RAB27B: variants seen among roughly 807,000 people sequenced by gnomAD.
RAB27B encodes the protein RAB27B, member RAS oncogene family.
A neutral mutation model predicts 24.6 loss-of-function variants in RAB27B; 15 were observed. The observed-to-expected ratio is 0.61, with a 90% confidence interval of 0.41 to 0.94. The LOEUF (loss-of-function observed/expected upper bound fraction) is 0.94, where lower values mean the gene tolerates loss of function less well. Among genes scored for constraint, RAB27B ranks in the 40% least tolerant of loss-of-function variants. The pLI is 0.00. For synonymous variants in RAB27B, 105 were observed against 92.5 expected (o/e 1.14, Z -0.78); for missense variants, 261 against 266.8 (o/e 0.98, Z 0.15).
chr18:54,843,876 CAACGGT>C (rs1911215181), intron 1 of RAB27B, among the ~76,000 whole-genome samples: 1 of 152,098 alleles, frequency 6.6e-6, no homozygotes, highest in African/African-American at 2.4e-5. Flanking sequence ...AATATTTGGG[CAACGGT>C]CCCTCCTACA....
chr18:54,887,027 C>CTCCCTCCCTCCCTCCCTTCCTTCCT (rs1407981128), intron 4 of RAB27B, among the ~76,000 whole-genome samples: 2 of 125,410 alleles, frequency 1.6e-5, no homozygotes, highest in East Asian at 2.4e-4. Context: ...CCCTTCCTCC[C>CTCCCTCCCTCCCTCCCTTCCTTCCT]TCCCTCCCTC....
chr18:54,876,854 T>G (rs915094417), intron 1 of RAB27B, among the ~76,000 whole-genome samples: 2 of 152,136 alleles, frequency 1.3e-5, no homozygotes, highest in East Asian at 3.8e-4. Flanking sequence ...GGTTTTCTGT[T>G]CCCTGTGACT....
At chr18:54,819,825 G>A (rs1337873965) in intron 2 of RAB27B, among the ~76,000 whole-genome samples, 1 of 139,550 alleles carries the variant, frequency 7.2e-6, no homozygotes, top group African/African-American at 2.7e-5. Context: ...CTGTGTGCAT[G>A]TATTCTAATT....
At chr18:54,773,421 A>C (rs1424302347) in intron 2 of RAB27B, among the ~76,000 whole-genome samples, 1 of 152,160 alleles carries the variant, frequency 6.6e-6, no homozygotes, top group Non-Finnish European at 1.5e-5. Context: ...ACAGACCACA[A>C]AGCTTCTGCA....
chr18:54,838,578 A>G (rs375692646), intron 1 of RAB27B, among the ~76,000 whole-genome samples: 35 of 152,154 alleles, frequency 2.3e-4, no homozygotes, highest in African/African-American at 8.0e-4. Flanking sequence ...TCTGGATTTC[A>G]GGTGTATAAC....
chr18:54,796,554 C>T (rs551903003), intron 2 of RAB27B, among the ~76,000 whole-genome samples: 1 of 152,220 alleles, frequency 6.6e-6, no homozygotes, highest in South Asian at 2.1e-4. Flanking sequence ...AGTCAGGATG[C>T]CCAGAGGCAG....
chr18:54,805,498 A>G (rs1251407063), intron 2 of RAB27B, among the ~76,000 whole-genome samples: 3 of 152,236 alleles, frequency 2.0e-5, no homozygotes, highest in African/African-American at 7.2e-5. Context: ...CACAAAAACA[A>G]TGTTCACAAC....
At chr18:54,811,666 T>C (rs1909967922) in intron 2 of RAB27B, among the ~76,000 whole-genome samples, 1 of 152,184 alleles carries the variant, frequency 6.6e-6, no homozygotes, top group Non-Finnish European at 1.5e-5. Context: ...CCTGTGAAGA[T>C]CAGCTATCGA....
chr18:54,883,521 C>T (rs1598993406), intron 3 of RAB27B, among the ~76,000 whole-genome samples: 2 of 152,182 alleles, frequency 1.3e-5, no homozygotes, highest in South Asian at 4.2e-4. Flanking sequence ...TGGTTTTGCC[C>T]ATTGCTCTTA....
chr18:54,739,459 A>G (rs34535297), intron 2 of RAB27B, among the ~76,000 whole-genome samples: 5,899 of 143,770 alleles, frequency 0.041, 172 homozygotes, highest in Admixed American at 0.075. Flanking sequence ...TCCATCTCAA[A>G]AAAAAAAAAA....
intron 1 of RAB27B, among the ~76,000 whole-genome samples, chr18:54,872,999 C>A (rs1176302932): frequency 1.3e-5 from 2 of 152,146 alleles, no homozygotes. Context: ...AAGAGTGAAT[C>A]CATGAGCAAC....
At chr18:54,763,648 T>C (rs1908267166) in intron 2 of RAB27B, among the ~76,000 whole-genome samples, 1 of 152,190 alleles carries the variant, frequency 6.6e-6, no homozygotes. Flanking sequence ...TCTAGTTCTG[T>C]TCGAAGGAGA....
intron 2 of RAB27B, among the ~76,000 whole-genome samples, chr18:54,776,890 C>T (rs992279531): frequency 1.8e-4 from 28 of 152,034 alleles, no homozygotes; most frequent in Admixed American, 1.8e-3. Context: ...ACTAAAAATA[C>T]AAAAATTAGC....
chr18:54,888,301 A>G, intron 5 of RAB27B, 183 bp downstream of exon 5: 1 of 577,510 alleles, frequency 1.7e-6, no homozygotes, highest in African/African-American at 1.9e-5. Context: ...AGCACCTAAC[A>G]TTTACTGTAT....
chr18:54,876,030 T>C (rs141050778), intron 1 of RAB27B, among the ~76,000 whole-genome samples: 233 of 152,286 alleles, frequency 1.5e-3, no homozygotes, highest in African/African-American at 5.2e-3. Flanking sequence ...GAAAGAGGTT[T>C]AATTGACTCA....
chr18:54,856,917 C>T (rs929782076), intron 1 of RAB27B, among the ~76,000 whole-genome samples: 2 of 152,172 alleles, frequency 1.3e-5, no homozygotes, highest in African/African-American at 4.8e-5. Flanking sequence ...ATAAAACCCA[C>T]ACTCTTTCTT....
chr18:54,827,729 T>C (rs1910520954), upstream of RAB27B, among the ~76,000 whole-genome samples: 1 of 152,198 alleles, frequency 6.6e-6, no homozygotes, highest in Non-Finnish European at 1.5e-5. Flanking sequence ...GTAAATCGGT[T>C]GTTATTATAA....
At chr18:54,848,402 A>G (rs1406087915) in intron 1 of RAB27B, among the ~76,000 whole-genome samples, 1 of 152,188 alleles carries the variant, frequency 6.6e-6, no homozygotes, top group Non-Finnish European at 1.5e-5. Flanking sequence ...AGGAAAAATC[A>G]TGGAATTTAT....
chr18:54,887,368 G>A (rs773021851), intron 4 of RAB27B, among the ~76,000 whole-genome samples: 13 of 151,926 alleles, frequency 8.6e-5, no homozygotes, highest in African/African-American at 1.7e-4. Context: ...GATGTATTCC[G>A]TATTTACTGA....
Sources: allele counts gnomAD v4.1 joint callset (sites outside exome capture counted in the v4.1 genomes callset), GRCh38; gene constraint gnomAD v4.1.1; transcripts MANE v1.5; gene names NCBI Gene and HGNC (gene_info 2026-07-23, HGNC 2026-07-21).